The following ADAM32 variants were observed in gnomAD, a reference collection of about 807,000 sequenced individuals.
ADAM32 encodes the protein disintegrin and metalloproteinase domain-containing protein 32.
A neutral mutation model predicts 114.9 loss-of-function variants in ADAM32; 89 were observed. The ratio of observed to expected loss-of-function variants is 0.77; its 90% confidence interval spans 0.65 to 0.92. The LOEUF is 0.92. ADAM32 is among the 40% of genes least tolerant of loss of function. The pLI is 0.00. For synonymous variants in ADAM32, 285 were observed against 307.5 expected (o/e 0.93, Z 0.77); for missense variants, 870 against 932.8 (o/e 0.93, Z 0.88).
In ADAM32 at chr8:39,187,080, AT is replaced by A. The variant is rs555334472; in HGVS notation, c.1052+38del. The A allele has an allele frequency of 1.2e-3, 1,891 of 1,550,388 alleles. 1 individual carries two copies. Among genetic ancestry groups the A allele is most frequent in the Non-Finnish European group, 1.5e-3 (1,755 of 1,143,798 alleles). On this transcript the variant is annotated intron_variant, in intron 11 of 24. Coordinates refer to ENST00000379907, the MANE Select transcript of ADAM32 (RefSeq NM_145004.7). ...AACAATTTATTTATTGCTTATGTTT[AT>A]TTCATTTTAAATATTCAGAGTGTGA...
At chr8:39,207,654 T>A (rs925423647) in intron 11 of ADAM32, among the ~76,000 whole-genome samples, 10 of 152,216 alleles carry the variant, frequency 6.6e-5, no homozygotes, top group Non-Finnish European at 1.5e-5. Flanking sequence ...CCAGAACTTA[T>A]TCTTCCTGTT....
rs145499597 is a variant in ADAM32 at position 39,243,173 on chromosome 8, G to A, written c.1819-2910G>A. Among the ~76,000 whole-genome samples the A allele has an allele frequency of 1.8e-3, 268 of 152,140 alleles. 1 individual carries two copies. The highest frequency in any genetic ancestry group is 6.2e-3 in the African/African-American group (259 of 41,524). Reference sequence around the variant, plus strand: ...TACCAATGAAAAAAAGTCCAGAATTGGATGGATTCATACCTGAATTCTGTC... The same window carrying A: ...TACCAATGAAAAAAAGTCCAGAATTAGATGGATTCATACCTGAATTCTGTC... On this transcript the variant is annotated intron_variant, in intron 16 of 24. Transcript: ENST00000379907.
chr8:39,249,326 A>G (rs764711937), intron 17 of ADAM32, among the ~76,000 whole-genome samples: 7 of 152,188 alleles, frequency 4.6e-5, no homozygotes, highest in Non-Finnish European at 1.0e-4. Flanking sequence ...ATGTTGAACC[A>G]GTTACATGCC....
intron 19 of ADAM32, among the ~76,000 whole-genome samples, chr8:39,260,739 GT>G (rs1650721862): frequency 6.6e-6 from 1 of 151,914 alleles, no homozygotes; most frequent in Non-Finnish European, 1.5e-5. Flanking sequence ...TCTAACTTTG[GT>G]ATCAGAGTAA....
chr8:39,246,176 C>T lies in ADAM32; in HGVS notation c.1902+10C>T, dbSNP rs920257598. ...GTGTTCTGGACATGGAGTAAGTAAC[C>T]ACATGTTTCCCTGAATCACATTTCT... is the stretch of plus-strand genomic sequence containing the variant. On this transcript the variant is annotated intron_variant, in intron 17 of 24. Transcript: ENST00000379907. 6 of 1,602,950 alleles carry T rather than the reference C, an allele frequency of 3.7e-6. No individual in the cohort carries two copies. The highest frequency in any genetic ancestry group is 1.7e-5 in the Admixed American group (1 of 58,364).
At chr8:39,250,168 T>C (rs761143764) in intron 17 of ADAM32, among the ~76,000 whole-genome samples, 1 of 152,092 alleles carries the variant, frequency 6.6e-6, no homozygotes, top group Non-Finnish European at 1.5e-5. Context: ...ATATTTCTTC[T>C]ATTCCATTCT....
At chr8:39,279,676 C>A (rs1452587792) in intron 22 of ADAM32, among the ~76,000 whole-genome samples, 1 of 152,118 alleles carries the variant, frequency 6.6e-6, no homozygotes, top group Non-Finnish European at 1.5e-5. Flanking sequence ...GTTTCCAAAT[C>A]CTCCGTTTTC....
chr8:39,233,770 A>G lies in ADAM32; in HGVS notation c.1635-129A>G, dbSNP rs899876110. The G allele has an allele frequency of 7.9e-5, 46 of 580,054 alleles. No homozygotes were observed. In the African/African-American group the frequency reaches 8.4e-4, roughly 11 times the overall value. 35.9% of individuals were successfully genotyped at this position (580,054 alleles called of 1,614,324 possible). On this transcript the variant is annotated intron_variant, in intron 15 of 24. Transcript: ENST00000379907. ...CTTTTTACTTTGTTACCGTGAAAAC[A>G]TTAACGTTTTCTGTAAGTACATTGC...
intron 16 of ADAM32, among the ~76,000 whole-genome samples, chr8:39,235,908 G>T (rs899289409): frequency 1.3e-4 from 20 of 152,108 alleles, no homozygotes; most frequent in African/African-American, 4.3e-4. Flanking sequence ...AGAAGGTTAT[G>T]CTGTGCTTTA....
chr8:39,283,251 A>C (rs1190249446), intron 23 of ADAM32, among the ~76,000 whole-genome samples: 1 of 151,992 alleles, frequency 6.6e-6, no homozygotes, highest in African/African-American at 2.4e-5. Context: ...CTACAAAGAA[A>C]TATAAAAATT....
chr8:39,158,601 C>A (rs980153332), intron 6 of ADAM32: 1 of 287,160 alleles, frequency 3.5e-6, no homozygotes, highest in South Asian at 4.1e-5. Flanking sequence ...AGGGTCATCA[C>A]TGGGGAAGCT....
At chr8:39,139,322 G>A (rs1478002594) in intron 3 of ADAM32, among the ~76,000 whole-genome samples, 6 of 152,202 alleles carry the variant, frequency 3.9e-5, no homozygotes, top group Non-Finnish European at 7.3e-5. Context: ...TTACATTTAA[G>A]TCTTTAATCC....
At chr8:39,225,114 T>C (rs1374003037) in intron 14 of ADAM32, among the ~76,000 whole-genome samples, 2 of 152,164 alleles carry the variant, frequency 1.3e-5, no homozygotes, top group East Asian at 1.9e-4. Context: ...AAGAATCAGC[T>C]ACTATTTTAT....
intron 14 of ADAM32, among the ~76,000 whole-genome samples, chr8:39,231,207 A>G (rs1809712430): frequency 6.6e-6 from 1 of 152,150 alleles, no homozygotes; most frequent in South Asian, 2.1e-4. Context: ...AAGACAGGAA[A>G]TGTCAGCAAG....
chr8:39,148,309 A>G lies in ADAM32; in HGVS notation c.276+1104A>G, dbSNP rs1207338430. Among the ~76,000 whole-genome samples, 5 of 152,040 alleles carry G rather than the reference A, an allele frequency of 3.3e-5. No individual in the cohort carries two copies. In the East Asian group the frequency reaches 5.8e-4, roughly 18 times the overall value. The stretch of plus-strand genomic sequence containing the variant: ...AATATAATAGCTATGTTCTCCTTTC[A>G]AAGACTTCATACTTTCTATTTCCTG... On this transcript the variant is annotated intron_variant, in intron 4 of 24. Coordinates refer to ENST00000379907, the MANE Select transcript of ADAM32 (RefSeq NM_145004.7).
chr8:39,165,668 T>C (rs1804786363), intron 9 of ADAM32: 1 of 152,250 alleles, frequency 6.6e-6, no homozygotes, highest in Admixed American at 6.5e-5. Context: ...ATTATAGCTA[T>C]ATATTTATAA....
At chr8:39,112,480 G>A (rs1840205262) in intron 1 of ADAM32, among the ~76,000 whole-genome samples, 1 of 152,176 alleles carries the variant, frequency 6.6e-6, no homozygotes, top group Non-Finnish European at 1.5e-5. Flanking sequence ...AAAACAAATA[G>A]TTTCCCATAC....
intron 3 of ADAM32, among the ~76,000 whole-genome samples, chr8:39,141,160 T>G (rs1045526353): frequency 6.6e-6 from 1 of 152,202 alleles, no homozygotes; most frequent in Non-Finnish European, 1.5e-5. Flanking sequence ...TTCATTAATT[T>G]TTTGAAGGGA....
chr8:39,109,439 C>G (rs913441173), intron 1 of ADAM32, among the ~76,000 whole-genome samples: 1 of 151,808 alleles, frequency 6.6e-6, no homozygotes, highest in Non-Finnish European at 1.5e-5. Context: ...CCCAGCTACT[C>G]GGGAAGCTGA....
Sources: gnomAD v4.1 joint callset for allele counts (sites outside exome capture counted in the v4.1 genomes callset) on GRCh38, gnomAD v4.1.1 for gene constraint, MANE v1.5 for transcripts, NCBI Gene and HGNC (gene_info 2026-07-23, HGNC 2026-07-21) for gene names.